ZNF385D: variants seen among roughly 807,000 people sequenced by gnomAD.
ZNF385D encodes the protein zinc finger protein 385D, also known as zinc finger protein 659.
A neutral mutation model predicts 35.8 loss-of-function variants in ZNF385D; 15 were observed. That is an observed-to-expected ratio of 0.42 (90% CI 0.28 to 0.64). The LOEUF (loss-of-function observed/expected upper bound fraction) is 0.64. ZNF385D is among the 30% of genes least tolerant of loss of function. ZNF385D has a pLI of 0.23. For synonymous variants in ZNF385D, 212 were observed against 186.8 expected, an observed-to-expected ratio of 1.13 and a Z score of -1.10; for missense variants, 474 against 494.6, an observed-to-expected ratio of 0.96 and a Z score of 0.39.
chr3:22,116,543 A>C (rs1576347206), intron 3 of ZNF385D, among the ~76,000 whole-genome samples: 1 of 152,134 alleles, frequency 6.6e-6, no homozygotes, highest in African/African-American at 2.4e-5. Flanking sequence ...GAGAAAATGT[A>C]TAGAAAGGAG....
At chr3:21,631,541 C>CT (rs2065282028) in intron 2 of ZNF385D, among the ~76,000 whole-genome samples, 1 of 152,078 alleles carries the variant, frequency 6.6e-6, no homozygotes, top group Admixed American at 6.6e-5. Context: ...ATTTTCTTCT[C>CT]TTTTTGCTAA....
intron 3 of ZNF385D, among the ~76,000 whole-genome samples, chr3:21,783,644 G>C (rs535552485): frequency 6.6e-6 from 1 of 152,008 alleles, no homozygotes; most frequent in Non-Finnish European, 1.5e-5. Context: ...CAATTTCTCC[G>C]TCCTTGTTCC....
intron 3 of ZNF385D, among the ~76,000 whole-genome samples, chr3:22,058,364 C>T (rs1381863575): frequency 1.3e-5 from 2 of 152,172 alleles, no homozygotes; most frequent in African/African-American, 4.8e-5. Context: ...ACACCCAAGC[C>T]TCCAGGATTC....
At chr3:22,198,814 TC>T (rs1696592783) in intron 2 of ZNF385D, among the ~76,000 whole-genome samples, 1 of 152,108 alleles carries the variant, frequency 6.6e-6, no homozygotes, top group Non-Finnish European at 1.5e-5. Flanking sequence ...TCATTAACTT[TC>T]TTAAGTTAGA....
intron 3 of ZNF385D, among the ~76,000 whole-genome samples, chr3:21,770,154 T>C (rs979927360): frequency 7.9e-5 from 12 of 152,108 alleles, no homozygotes; most frequent in Admixed American, 3.9e-4. Context: ...ACCTAGGCAA[T>C]ATCATTCAGG....
intron 3 of ZNF385D, among the ~76,000 whole-genome samples, chr3:22,108,530 T>G (rs575028729): frequency 2.0e-5 from 3 of 152,162 alleles, no homozygotes; most frequent in African/African-American, 4.8e-5. Flanking sequence ...GGCAAATGAG[T>G]GCAATGCATG....
intron 3 of ZNF385D, among the ~76,000 whole-genome samples, chr3:21,923,075 G>A (rs1700552931): frequency 6.6e-6 from 1 of 152,050 alleles, no homozygotes; most frequent in Non-Finnish European, 1.5e-5. Context: ...GGGTACATGT[G>A]CACAACATGC....
chr3:22,346,126 G>A lies in ZNF385D; in HGVS notation c.106+26324C>T, dbSNP rs542837810. ...CTGCTTTACTCCCTTGGCACTCCCTGACATACATGAATTTATTTTCATATT... is the reference window on the plus strand; with the variant it reads ...CTGCTTTACTCCCTTGGCACTCCCTAACATACATGAATTTATTTTCATATT... On this transcript the variant is annotated intron_variant, in intron 2 of 5. Transcript: ENST00000494108. Among the ~76,000 whole-genome samples, 459 of 152,220 alleles carry A rather than the reference G, an allele frequency of 3.0e-3. 4 individuals are homozygous for A. The highest frequency in any genetic ancestry group is 9.3e-3 in the African/African-American group (386 of 41,540).
chr3:22,363,967 T>C (rs1696533958), intron 2 of ZNF385D, among the ~76,000 whole-genome samples: 1 of 152,166 alleles, frequency 6.6e-6, no homozygotes, highest in East Asian at 1.9e-4. Flanking sequence ...AATGTGCTTA[T>C]GAGTTAGCTT....
chr3:22,311,470 T>C (rs1442364925), intron 2 of ZNF385D, among the ~76,000 whole-genome samples: 1 of 152,046 alleles, frequency 6.6e-6, no homozygotes, highest in African/African-American at 2.4e-5. Flanking sequence ...CACTTTGTTT[T>C]TATTTATTTT....
chr3:21,884,949 C>G (rs1698466572), intron 3 of ZNF385D, among the ~76,000 whole-genome samples: 1 of 151,972 alleles, frequency 6.6e-6, no homozygotes, highest in South Asian at 2.1e-4. Flanking sequence ...AGAATACAGC[C>G]ATGCTCACTT....
intron 1 of ZNF385D, among the ~76,000 whole-genome samples, chr3:21,708,228 A>G (rs552889554): frequency 6.6e-6 from 1 of 152,358 alleles, no homozygotes; most frequent in South Asian, 2.1e-4. Flanking sequence ...ACTGTTACTC[A>G]AATGGGCAGC....
At chr3:22,312,292 A>G (rs1464408019) in intron 2 of ZNF385D, among the ~76,000 whole-genome samples, 1 of 152,176 alleles carries the variant, frequency 6.6e-6, no homozygotes, top group African/African-American at 2.4e-5. Flanking sequence ...GTCAACTTTC[A>G]TAAGCACTTC....
intron 3 of ZNF385D, among the ~76,000 whole-genome samples, chr3:21,787,013 TA>T (rs1374759088): frequency 6.6e-6 from 1 of 152,190 alleles, no homozygotes; most frequent in East Asian, 1.9e-4. Context: ...AAACCACACT[TA>T]AATGACAAGG....
intron 3 of ZNF385D, among the ~76,000 whole-genome samples, chr3:22,002,900 A>C (rs1695940717): frequency 6.6e-6 from 1 of 152,194 alleles, no homozygotes; most frequent in Admixed American, 6.5e-5. Flanking sequence ...CATCTCAACA[A>C]ATTAGGCACA....
At chr3:21,583,317 A>G (rs2063719150) in intron 2 of ZNF385D, among the ~76,000 whole-genome samples, 1 of 152,186 alleles carries the variant, frequency 6.6e-6, no homozygotes, top group African/African-American at 2.4e-5. Context: ...TTAGAACACT[A>G]CCTAATACAT....
At chr3:21,830,337 T>A (rs1694908676) in intron 3 of ZNF385D, among the ~76,000 whole-genome samples, 1 of 152,220 alleles carries the variant, frequency 6.6e-6, no homozygotes, top group Non-Finnish European at 1.5e-5. Context: ...GTTGATGAGC[T>A]GTTTGGATGA....
At chr3:21,849,455 C>T (rs1696233623) in intron 3 of ZNF385D, among the ~76,000 whole-genome samples, 1 of 151,892 alleles carries the variant, frequency 6.6e-6, no homozygotes. Context: ...CTCTAACATC[C>T]ATTGCCTATT....
At chr3:21,827,766 TGCAAAA>T (rs1694736119) in intron 3 of ZNF385D, among the ~76,000 whole-genome samples, 1 of 152,216 alleles carries the variant, frequency 6.6e-6, no homozygotes, top group Admixed American at 6.5e-5. Flanking sequence ...AAAAGAATTC[TGCAAAA>T]TGTGCGTGAC....
Sources: gnomAD v4.1 joint callset for allele counts (sites outside exome capture counted in the v4.1 genomes callset) on GRCh38, gnomAD v4.1.1 for gene constraint, MANE v1.5 for transcripts, NCBI Gene and HGNC (gene_info 2026-07-23, HGNC 2026-07-21) for gene names.